Variants in CCNB1IP1 observed in about 807,000 individuals in gnomAD.
CCNB1IP1 encodes cyclin B1 interacting protein 1, also known as E3 ubiquitin-protein ligase CCNB1IP1.
In CCNB1IP1, 14 loss-of-function variants were observed where a neutral mutation model predicts 25.6. That is an observed-to-expected ratio of 0.55 (90% CI 0.36 to 0.85). The LOEUF (loss-of-function observed/expected upper bound fraction) is 0.85. Among genes scored for constraint, CCNB1IP1 ranks in the 40% least tolerant of loss-of-function variants. The pLI is 0.01. For synonymous variants in CCNB1IP1, 119 were observed against 116.1 expected (o/e 1.02, Z -0.16); for missense variants, 278 against 342.4 (o/e 0.81, Z 1.48).
chr14:20,323,193 G>T (rs1010840857), intron 4 of CCNB1IP1: 2 of 151,844 alleles, frequency 1.3e-5, no homozygotes, highest in African/African-American at 4.8e-5. Flanking sequence ...GTTTGACTCC[G>T]CAAAAATCAG....
chr14:20,313,266 A>G (rs1039808746), intron 6 of CCNB1IP1, among the ~76,000 whole-genome samples: 3 of 152,242 alleles, frequency 2.0e-5, no homozygotes, highest in African/African-American at 7.2e-5. Context: ...TGCTCAAATT[A>G]AAGCTTTAAT....
At chr14:20,314,631 C>A (rs1367436870) in intron 5 of CCNB1IP1, 1 of 152,078 alleles carries the variant, frequency 6.6e-6, no homozygotes. Flanking sequence ...ACTTAAAAAT[C>A]TCTGCTCTGT....
At chr14:20,328,152 C>A (rs182207263) in intron 2 of CCNB1IP1, among the ~76,000 whole-genome samples, 1 of 152,188 alleles carries the variant, frequency 6.6e-6, no homozygotes, top group East Asian at 1.9e-4. Flanking sequence ...TTTACAACCC[C>A]CTATTTACAG....
At chr14:20,323,779 G>A (rs926853104) in intron 4 of CCNB1IP1, among the ~76,000 whole-genome samples, 4 of 151,830 alleles carry the variant, frequency 2.6e-5, no homozygotes, top group East Asian at 1.9e-4. Flanking sequence ...TTAGCCAGGC[G>A]TGGTGGCGGG....
At chr14:20,311,837 T>C (rs1005792063) in intron 6 of CCNB1IP1, 85 bp from the exon 7 acceptor site, 98 of 656,722 alleles carry the variant, frequency 1.5e-4, no homozygotes, top group Non-Finnish European at 2.1e-4. Context: ...AATATATATA[T>C]ATGAATATAT....
intron 4 of CCNB1IP1, 85 bp from the exon 5 acceptor site, chr14:20,316,645 AT>A (rs1381004592): frequency 4.4e-6 from 3 of 676,912 alleles, no homozygotes; most frequent in African/African-American, 3.6e-5. Flanking sequence ...GCACGTTTTT[AT>A]CATAAAATAC....
At chr14:20,321,729 G>A (rs1019729858) in intron 4 of CCNB1IP1, among the ~76,000 whole-genome samples, 4 of 152,100 alleles carry the variant, frequency 2.6e-5, no homozygotes, top group Non-Finnish European at 5.9e-5. Context: ...TGGGATCATC[G>A]GCGTGATCAA....
chr14:20,320,527 C>G (rs1436573630), intron 4 of CCNB1IP1: 5 of 328,284 alleles, frequency 1.5e-5, no homozygotes, highest in Non-Finnish European at 3.0e-5. Context: ...AAAGACAAAA[C>G]TACTCAGAAT....
At position 20,316,572 on chromosome 14, in the gene CCNB1IP1, T is replaced by C; in HGVS notation, c.-37-12A>G. 6.6e-7 allele frequency: 1 copy of C among 1,507,016 alleles called. No homozygotes were observed. Among genetic ancestry groups the C allele is most frequent in the Middle Eastern group, 1.8e-4 (1 of 5,658 alleles). The allele number at this position is 1,507,016 out of a possible 1,614,324, so 93.4% of individuals were successfully genotyped here. ...AGCTGAAGAGAGGCCTAAGAAGGGG[T>C]AAATAAAAAGGCCAAGTAAGTTAAA... On this transcript the variant is annotated splice_polypyrimidine_tract_variant and intron_variant, in intron 4 of 6. Transcript: ENST00000358932.
At position 20,316,384 on chromosome 14, in the gene CCNB1IP1, A is replaced by G; in HGVS notation, c.140T>C (p.Ile47Thr). ...AAGGGTACTGTTGCAGGCAGGACAG[A>G]TAGCTGGTGAGCGACTAAACTCACC... ...GSGEFSRSPA[I>T]CPACNSTLSG... Residue 47 changes from isoleucine to threonine, a missense_variant, in exon 5 of 7, where the codon ATC becomes ACC. Coordinates refer to ENST00000358932, the MANE Select transcript of CCNB1IP1 (RefSeq NM_021178.5). 1 of 1,614,034 alleles carries G rather than the reference A, an allele frequency of 6.2e-7. No homozygotes were observed. The highest frequency in any genetic ancestry group is 8.5e-7 in the Non-Finnish European group (1 of 1,179,896).
chr14:20,324,274 C>T (rs1478922769), intron 4 of CCNB1IP1, among the ~76,000 whole-genome samples: 1 of 152,136 alleles, frequency 6.6e-6, no homozygotes, highest in Non-Finnish European at 1.5e-5. Flanking sequence ...ACAACCTCTG[C>T]CTCCCAGATT....
intron 6 of CCNB1IP1, among the ~76,000 whole-genome samples, chr14:20,312,838 A>T (rs1272834909): frequency 6.6e-6 from 1 of 151,980 alleles, no homozygotes; most frequent in Non-Finnish European, 1.5e-5. Flanking sequence ...CATACCTAAC[A>T]AGCTGGTACA....
At chr14:20,316,176 C>T in intron 5 of CCNB1IP1, 51 bp downstream of exon 5, 3 of 1,515,122 alleles carry the variant, frequency 2.0e-6, no homozygotes, top group Non-Finnish European at 2.7e-6. Flanking sequence ...CTAGAAGTTC[C>T]CACAAATGCC....
intron 5 of CCNB1IP1, chr14:20,314,108 C>T (rs1384699357): frequency 9.3e-6 from 2 of 215,224 alleles, no homozygotes; most frequent in East Asian, 2.0e-4. Flanking sequence ...AATATAATCC[C>T]ATTTTTCAAG....
chr14:20,323,235 T>C (rs1308828692), intron 4 of CCNB1IP1: 1 of 152,150 alleles, frequency 6.6e-6, no homozygotes, highest in Non-Finnish European at 1.5e-5. Flanking sequence ...CCCATCCTCA[T>C]GGTGCCCTGA....
intron 5 of CCNB1IP1, among the ~76,000 whole-genome samples, chr14:20,314,983 C>T (rs1413399409): frequency 8.2e-4 from 121 of 146,996 alleles, no homozygotes; most frequent in African/African-American, 2.9e-3. Flanking sequence ...CCCAGCTACT[C>T]GGGAGGCTGA....
chr14:20,316,915 C>A (rs940749647), intron 4 of CCNB1IP1, among the ~76,000 whole-genome samples: 11 of 152,164 alleles, frequency 7.2e-5, no homozygotes, highest in Admixed American at 4.6e-4. Flanking sequence ...TCCAGACCAG[C>A]CTGGCCAACA....
At chr14:20,312,455 A>G (rs1270739998) in intron 6 of CCNB1IP1, among the ~76,000 whole-genome samples, 1 of 151,348 alleles carries the variant, frequency 6.6e-6, no homozygotes, top group Non-Finnish European at 1.5e-5. Flanking sequence ...GGCTCAAGTG[A>G]TTCTCCCACC....
Position 20,311,734 on chromosome 14 carries a change from G to C in CCNB1IP1, c.650C>G (p.Pro217Arg). 2 of 1,613,470 alleles carry C rather than the reference G, an allele frequency of 1.2e-6. No homozygotes were observed. Among genetic ancestry groups the C allele is most frequent in the African/African-American group, 2.7e-5 (2 of 74,912 alleles). The change falls in exon 7 of 7, where the codon CCT becomes CGT. Residue 217 changes from proline to arginine, a missense_variant. By Grantham distance (103) the Pro-to-Arg change is moderately radical (BLOSUM62 -2). Transcript: ENST00000358932. ...ATTTCGAACAGGTGTATTATCCAAA[G>C]GAAACTTGGAGTTGTTACCTAGGGC... ...GFPLGNNSKF[P>R]LDNTPVRNRG...
Sources: allele counts gnomAD v4.1 joint callset (sites outside exome capture counted in the v4.1 genomes callset), GRCh38; gene constraint gnomAD v4.1.1; transcripts MANE v1.5; gene names NCBI Gene and HGNC (gene_info 2026-07-23, HGNC 2026-07-21).